Variants in WWOX observed in about 807,000 individuals in gnomAD.
WWOX encodes the protein WW domain-containing oxidoreductase.
WWOX carries 69 observed loss-of-function variants against 46.2 expected under a neutral mutation model. That is an observed-to-expected ratio of 1.49 (90% CI 1.23 to 1.82). WWOX has a LOEUF of 1.82. WWOX is among the 40% of genes most tolerant of loss of function. The pLI, the probability that WWOX is intolerant of heterozygous loss-of-function variation, is 0.00. For missense variants in WWOX, 919 were observed against 542.6 expected, an observed-to-expected ratio of 1.69 and a Z score of -6.89; for synonymous variants, 359 against 202.6, an observed-to-expected ratio of 1.77 and a Z score of -6.56.
Position 78,555,144 on chromosome 16 carries a change from C to T in WWOX, c.1056+122392C>T, listed in dbSNP as rs912751595. ...TTTCTCTCTGTCTTTTTCTCTTTCT[C>T]TCATAGTTAATGCTATGATTTTGTA... On this transcript the variant is annotated intron_variant, in intron 8 of 8. Coordinates refer to ENST00000566780, the MANE Select transcript of WWOX (RefSeq NM_016373.4). 5.8e-5 allele frequency among the ~76,000 whole-genome samples: 8 copies of T among 138,608 alleles called. No homozygotes were observed. The South Asian group carries it at 7.0e-4, about 12-fold the overall frequency. The allele number at this position is 138,608 out of a possible 152,430, so 90.9% of individuals were successfully genotyped here.
intron 8 of WWOX, among the ~76,000 whole-genome samples, chr16:78,733,567 G>A (rs938483357): frequency 1.3e-5 from 2 of 150,928 alleles, no homozygotes; most frequent in East Asian, 2.0e-4. Context: ...CCAACATGAT[G>A]AAACCCTATC....
At chr16:78,606,556 C>A (rs565657979) in intron 8 of WWOX, among the ~76,000 whole-genome samples, 47 of 152,058 alleles carry the variant, frequency 3.1e-4, no homozygotes, top group African/African-American at 1.1e-3. Context: ...TCCTGTTGAC[C>A]TGTCAGCTTA....
Position 78,825,497 on chromosome 16 carries a change from T to C in WWOX, c.1057-386111T>C. On this transcript the variant is annotated intron_variant, in intron 8 of 8. Coordinates refer to ENST00000566780, the MANE Select transcript of WWOX (RefSeq NM_016373.4). ...GGATTCTGGAATTGACTGCTGTAGTTCAGAAGAGATTTGGCTTCCCACAGG... is the reference window on the plus strand; with the variant it reads ...GGATTCTGGAATTGACTGCTGTAGTCCAGAAGAGATTTGGCTTCCCACAGG... 6.2e-6 allele frequency: 3 copies of C among 481,652 alleles called. No homozygotes were observed. The Admixed American group carries it at 6.4e-5, about 10-fold the overall frequency. The allele number at this position is 481,652 out of a possible 1,614,324, so 29.8% of individuals were successfully genotyped here.
At chr16:78,211,327 G>A (rs1051809986) in intron 5 of WWOX, among the ~76,000 whole-genome samples, 8 of 152,178 alleles carry the variant, frequency 5.3e-5, no homozygotes, top group Non-Finnish European at 1.2e-4. Context: ...GCTTTGAAGA[G>A]CTCTTTTCAT....
chr16:78,209,702 G>A (rs1045917898), intron 5 of WWOX, among the ~76,000 whole-genome samples: 3 of 149,700 alleles, frequency 2.0e-5, no homozygotes, highest in African/African-American at 7.4e-5. Flanking sequence ...AAAGGAGAAT[G>A]TTGGATTTGC....
At chr16:78,937,447 A>ATTT in intron 8 of WWOX, among the ~76,000 whole-genome samples, 1 of 72,878 alleles carries the variant, frequency 1.4e-5, no homozygotes, top group Non-Finnish European at 2.7e-5. Flanking sequence ...ATTTGTATTA[A>ATTT]CTTTTTTTTT....
chr16:79,132,231 A>G (rs963257752), intron 8 of WWOX, among the ~76,000 whole-genome samples: 2 of 151,964 alleles, frequency 1.3e-5, no homozygotes, highest in Non-Finnish European at 2.9e-5. Context: ...TGCTGCTGGA[A>G]CTTTAGTTGA....
At chr16:78,154,420 A>G (rs975672605) in intron 4 of WWOX, among the ~76,000 whole-genome samples, 1 of 149,468 alleles carries the variant, frequency 6.7e-6, no homozygotes, top group Non-Finnish European at 1.5e-5. Flanking sequence ...CGCTTGCTTC[A>G]TGGAGCTTCA....
intron 8 of WWOX, among the ~76,000 whole-genome samples, chr16:78,509,327 C>G (rs866588172): frequency 1.3e-5 from 2 of 152,146 alleles, no homozygotes; most frequent in Middle Eastern, 3.4e-3. Flanking sequence ...GTAGTCCTAG[C>G]TACTTAGGTA....
Position 78,341,341 on chromosome 16 carries a change from T to A in WWOX, c.517-45519T>A, listed in dbSNP as rs907276225. ...TTTTTATATTGAATAATCTTTGATTTGTATTGTCATGTTGTTTTATAGCAG... is the reference window on the plus strand; with the variant it reads ...TTTTTATATTGAATAATCTTTGATTAGTATTGTCATGTTGTTTTATAGCAG... On this transcript the variant is annotated intron_variant, in intron 5 of 8. Transcript: ENST00000566780. Among the ~76,000 whole-genome samples, 12 of 120,956 alleles carry A rather than the reference T, an allele frequency of 9.9e-5. 2 individuals carry two copies. Among genetic ancestry groups the A allele is most frequent in the African/African-American group, 3.4e-4 (12 of 35,742 alleles). The allele number at this position is 120,956 out of a possible 152,430, so 79.4% of individuals were successfully genotyped here. A position where few individuals can be genotyped will look rare whatever the true frequency, so the allele number is the denominator to read the frequency against.
chr16:78,361,918 C>T (rs1368433797), intron 5 of WWOX, among the ~76,000 whole-genome samples: 2 of 150,202 alleles, frequency 1.3e-5, no homozygotes, highest in Admixed American at 6.6e-5. Context: ...GGCCCCTCCC[C>T]CGTTTATTTC....
At chr16:79,155,304 A>T (rs28654283) in intron 8 of WWOX, among the ~76,000 whole-genome samples, 12,524 of 152,072 alleles carry the variant, frequency 0.082, 1,472 homozygotes, top group African/African-American at 0.26. Flanking sequence ...TGAACCAGGG[A>T]GGAAGAGGTT....
At chr16:78,511,189 C>T (rs1211227703) in intron 8 of WWOX, among the ~76,000 whole-genome samples, 1 of 152,174 alleles carries the variant, frequency 6.6e-6, no homozygotes, top group African/African-American at 2.4e-5. Flanking sequence ...CAGAAGACGG[C>T]TGTCATTAAT....
chr16:79,090,180 A>C (rs1446198241), intron 8 of WWOX: 1 of 152,252 alleles, frequency 6.6e-6, no homozygotes, highest in African/African-American at 2.4e-5. Flanking sequence ...TGGAAGGCCC[A>C]TAAAAAGGGC....
chr16:78,317,267 C>G (rs921216428), intron 5 of WWOX, among the ~76,000 whole-genome samples: 6 of 151,442 alleles, frequency 4.0e-5, no homozygotes, highest in African/African-American at 1.5e-4. Context: ...GGGGTGAATT[C>G]TCTCTCTCTC....
At chr16:78,514,576 C>T (rs1353916672) in intron 8 of WWOX, among the ~76,000 whole-genome samples, 1 of 152,164 alleles carries the variant, frequency 6.6e-6, no homozygotes, top group East Asian at 1.9e-4. Context: ...TAACAGCTTC[C>T]TTGACCGATA....
intron 8 of WWOX, among the ~76,000 whole-genome samples, chr16:78,629,907 T>C (rs1367344334): frequency 2.0e-5 from 3 of 152,232 alleles, no homozygotes; most frequent in Admixed American, 6.5e-5. Context: ...TTTTTAGAAA[T>C]AGAAAATTAA....
At chr16:78,756,638 C>T (rs746445540) in intron 8 of WWOX, among the ~76,000 whole-genome samples, 24 of 152,284 alleles carry the variant, frequency 1.6e-4, no homozygotes, top group Non-Finnish European at 3.2e-4. Context: ...TAAATTCTAG[C>T]ATTTTTACAC....
chr16:78,884,762 A>G, intron 8 of WWOX, among the ~76,000 whole-genome samples: 1 of 152,200 alleles, frequency 6.6e-6, no homozygotes, highest in East Asian at 1.9e-4. Flanking sequence ...ATGAAAATTC[A>G]TTTAATGACA....
Sources: allele counts gnomAD v4.1 joint callset (sites outside exome capture counted in the v4.1 genomes callset), GRCh38; gene constraint gnomAD v4.1.1; transcripts MANE v1.5; gene names NCBI Gene and HGNC (gene_info 2026-07-23, HGNC 2026-07-21).